SLC2A14: variants seen among roughly 807,000 people sequenced by gnomAD.
SLC2A14 encodes the protein solute carrier family 2, facilitated glucose transporter member 14.
A neutral mutation model predicts 43.0 loss-of-function variants in SLC2A14; 13 were observed. That is an observed-to-expected ratio of 0.30 (90% CI 0.20 to 0.48). The LOEUF is 0.48. SLC2A14 is among the 20% of genes least tolerant of loss of function. The probability of loss-of-function intolerance (pLI) is 0.99; values close to 1 mark genes in which losing one functional copy is unlikely to be tolerated. For synonymous variants in SLC2A14, 190 were observed against 233.8 expected, an observed-to-expected ratio of 0.81 and a Z score of 1.71; for missense variants, 428 against 620.4, an observed-to-expected ratio of 0.69 and a Z score of 3.29.
intron 10 of SLC2A14, among the ~76,000 whole-genome samples, chr12:7,814,945 G>C (rs970348548): frequency 6.6e-6 from 1 of 151,772 alleles, no homozygotes; most frequent in Non-Finnish European, 1.5e-5. Flanking sequence ...GACTACAGGT[G>C]CCCACCAGCA....
chr12:7,830,568 C>A (rs977406519), intron 4 of SLC2A14, among the ~76,000 whole-genome samples: 1 of 151,888 alleles, frequency 6.6e-6, no homozygotes, highest in African/African-American at 2.4e-5. Context: ...ACTGGGAGGT[C>A]GAGGCTATAG....
upstream of SLC2A14, among the ~76,000 whole-genome samples, chr12:7,874,941 T>C (rs1256153281): frequency 1.7e-4 from 5 of 30,210 alleles, no homozygotes; most frequent in Non-Finnish European, 3.1e-4. Flanking sequence ...ATATAATTTA[T>C]ATATAAATAT....
intron 6 of SLC2A14, among the ~76,000 whole-genome samples, chr12:7,827,962 A>C (rs1374610463): frequency 1.3e-5 from 2 of 152,134 alleles, no homozygotes; most frequent in African/African-American, 4.8e-5. Flanking sequence ...ACATGGTGAA[A>C]GCCCATCTCT....
intron 2 of SLC2A14, among the ~76,000 whole-genome samples, chr12:7,834,192 TTTTTTTCATTAGTCTCATAAC>T (rs1231029154): frequency 1.2e-4 from 18 of 151,846 alleles, no homozygotes; most frequent in African/African-American, 3.9e-4. Context: ...GAGAGCCTTT[TTTTTTTCATTAGTCTCATAAC>T]TTTCCATCCC....
At chr12:7,842,491 G>T (rs1005776049) in intron 2 of SLC2A14, among the ~76,000 whole-genome samples, 2 of 152,322 alleles carry the variant, frequency 1.3e-5, no homozygotes, top group Middle Eastern at 3.4e-3. Flanking sequence ...TTCTATACAA[G>T]TGCCAATATA....
upstream of SLC2A14, among the ~76,000 whole-genome samples, chr12:7,875,083 A>C (rs1276735831): frequency 5.1e-5 from 3 of 58,656 alleles, no homozygotes; most frequent in East Asian, 6.3e-4. Flanking sequence ...TATATTTAAT[A>C]TTCTATTTAA....
intron 7 of SLC2A14, among the ~76,000 whole-genome samples, chr12:7,826,861 T>TCTTTTCTTTCTTTC (rs1555121667): frequency 3.0e-4 from 18 of 60,330 alleles, no homozygotes; most frequent in Non-Finnish European, 3.5e-4. Context: ...TTCCTTTCTT[T>TCTTTTCTTTCTTTC]TTTCTTTCTT....
At chr12:7,822,396 A>G (rs1298566454) in intron 7 of SLC2A14, among the ~76,000 whole-genome samples, 1 of 151,260 alleles carries the variant, frequency 6.6e-6, no homozygotes, top group Non-Finnish European at 1.5e-5. Flanking sequence ...GGCTGGGTGC[A>G]GTGGCTCACG....
chr12:7,855,534 T>TA (rs1867288636), intron 2 of SLC2A14, among the ~76,000 whole-genome samples: 1 of 152,136 alleles, frequency 6.6e-6, no homozygotes, highest in East Asian at 1.9e-4. Context: ...AGGCCATTAC[T>TA]ACCCCTGCAG....
At position 7,821,751 on chromosome 12, in the gene SLC2A14, G is replaced by A. The variant is rs546126337; in HGVS notation, c.865-426C>T. On this transcript the variant is annotated intron_variant, in intron 7 of 10. Coordinates refer to ENST00000431042, the MANE Select transcript of SLC2A14 (RefSeq NM_001286234.2). ...TTCTTTTTTGACGGAGTCTCAATCT[G>A]TCACCCAGGCTGGAGTGCAGTGGCA... Among the ~76,000 whole-genome samples the A allele has an allele frequency of 6.4e-3, 969 of 151,374 alleles. 8 individuals carry two copies. Among genetic ancestry groups the A allele is most frequent in the Non-Finnish European group, 0.011 (768 of 67,954 alleles).
chr12:7,881,372 G>GCGGC lies in SLC2A14; in HGVS notation c.132+9620_132+9623dup, dbSNP rs1169515995. On this transcript the variant is annotated intron_variant, in intron 1 of 9. Coordinates refer to the SLC2A14 transcript ENST00000539924. ...GGGCTCGGCGGGCCCCGCACTCGGA[G>GCGGC]CGGCCGGCCGGCCGGCCCTGGTGGC... Among the ~76,000 whole-genome samples, 10 of 151,884 alleles carry GCGGC rather than the reference G, an allele frequency of 6.6e-5. 1 individual carries two copies. The highest frequency in any genetic ancestry group is 6.2e-4 in the South Asian group (3 of 4,822).
At chr12:7,884,393 A>G (rs147356391) in intron 1 of SLC2A14, among the ~76,000 whole-genome samples, 121 of 152,200 alleles carry the variant, frequency 8.0e-4, no homozygotes, top group African/African-American at 2.6e-3. Context: ...ATATTTATTT[A>G]TTTTTGTAAA....
intron 2 of SLC2A14, among the ~76,000 whole-genome samples, chr12:7,840,156 G>T (rs1433191307): frequency 2.8e-5 from 3 of 106,066 alleles, no homozygotes; most frequent in African/African-American, 7.2e-5. Context: ...CAGAGAGTTT[G>T]CTCCTTTTTT....
chr12:7,875,381 G>A (rs1342432422), upstream of SLC2A14, among the ~76,000 whole-genome samples: 1 of 150,292 alleles, frequency 6.7e-6, no homozygotes, highest in African/African-American at 2.4e-5. Flanking sequence ...GGTGATGCAC[G>A]CCTGCAATTC....
chr12:7,856,637 C>CTT (rs1317099297), intron 2 of SLC2A14, among the ~76,000 whole-genome samples: 2 of 152,082 alleles, frequency 1.3e-5, no homozygotes, highest in East Asian at 3.9e-4. Flanking sequence ...TTGACGGCAT[C>CTT]GATGGAGATG....
intron 1 of SLC2A14, among the ~76,000 whole-genome samples, chr12:7,881,603 G>A (rs186962210): frequency 2.2e-4 from 33 of 152,246 alleles, no homozygotes; most frequent in Admixed American, 1.6e-3. Context: ...CCCGACAAGC[G>A]CGGCCTCCTG....
chr12:7,869,968 T>A, intron 1 of SLC2A14, 31 bp from the exon 2 acceptor site: 2 of 1,377,134 alleles, frequency 1.5e-6, no homozygotes, highest in Non-Finnish European at 2.0e-6. Context: ...GTTATTCATT[T>A]ACTCCATCTA....
rs138470123 is a variant in SLC2A14, at chr12:7,832,808, G to A, written c.25C>T (p.Pro9Ser). The A allele has an allele frequency of 2.5e-5, 41 of 1,613,960 alleles. No homozygotes were observed. The African/African-American group carries it at 5.3e-4, about 21-fold the overall frequency. Reference sequence around the variant, plus strand: ...ACTGTGATGGCAAAGATCAGAGCTGGGGTGACCTGGAGAGACAGAGGACAG... The same window carrying A: ...ACTGTGATGGCAAAGATCAGAGCTGAGGTGACCTGGAGAGACAGAGGACAG... MDNRQNVT[P>S]ALIFAITVAT... The change falls in exon 3 of 11, where the codon CCA (proline) becomes TCA (serine). Residue 9 changes from proline to serine, a missense_variant. This residue lies in a region of SLC2A14 where 122 missense variants were observed against 128.8 expected (regional missense o/e 0.95). Transcript: ENST00000431042.
At chr12:7,841,769 A>G (rs1275588056) in intron 2 of SLC2A14, among the ~76,000 whole-genome samples, 4 of 151,966 alleles carry the variant, frequency 2.6e-5, no homozygotes, top group Non-Finnish European at 2.9e-5. Context: ...GAACTTTGGG[A>G]GGCCAAGGTG....
Sources: gnomAD v4.1 joint callset for allele counts (sites outside exome capture counted in the v4.1 genomes callset) on GRCh38, gnomAD v4.1.1 for gene constraint, gnomAD v4.1.1 regional missense constraint, MANE v1.5 for transcripts, NCBI Gene and HGNC (gene_info 2026-07-23, HGNC 2026-07-21) for gene names.